PCDH9: variants seen among roughly 807,000 people sequenced by gnomAD.
PCDH9 encodes the protein protocadherin-9.
A neutral mutation model predicts 70.6 loss-of-function variants in PCDH9; 24 were observed. That is an observed-to-expected ratio of 0.34 (90% CI 0.25 to 0.48). The LOEUF (loss-of-function observed/expected upper bound fraction) is 0.48, where lower values mean the gene tolerates loss of function less well. Among genes scored for constraint, PCDH9 ranks in the 20% least tolerant of loss-of-function variants. The pLI, the probability that PCDH9 is intolerant of heterozygous loss-of-function variation, is 0.99. For synonymous variants in PCDH9, 562 were observed against 558.5 expected (o/e 1.01, Z -0.09); for missense variants, 1,281 against 1,503.6 (o/e 0.85, Z 2.45).
intron 4 of PCDH9, among the ~76,000 whole-genome samples, chr13:66,487,013 G>A (rs775771424): frequency 6.6e-6 from 1 of 152,098 alleles, no homozygotes; most frequent in Non-Finnish European, 1.5e-5. Flanking sequence ...CACATGACTA[G>A]TGAGTTTAAC....
chr13:66,735,858 G>A (rs180927957), intron 3 of PCDH9, among the ~76,000 whole-genome samples: 1 of 152,136 alleles, frequency 6.6e-6, no homozygotes, highest in Non-Finnish European at 1.5e-5. Flanking sequence ...CATCTACTCA[G>A]GAGGCTGAGG....
At chr13:66,706,628 A>G (rs1486228527) in intron 3 of PCDH9, among the ~76,000 whole-genome samples, 1 of 152,216 alleles carries the variant, frequency 6.6e-6, no homozygotes. Context: ...CCAAGTGACA[A>G]ATGATGTTTT....
intron 3 of PCDH9, among the ~76,000 whole-genome samples, chr13:66,778,133 G>A (rs561216193): frequency 1.0e-4 from 14 of 133,658 alleles, no homozygotes; most frequent in Non-Finnish European, 2.0e-4. Flanking sequence ...GGACTGTTGT[G>A]GGGTGGGGGG....
intron 2 of PCDH9, among the ~76,000 whole-genome samples, chr13:67,138,501 G>C (rs1411253232): frequency 2.0e-5 from 3 of 152,198 alleles, no homozygotes; most frequent in Non-Finnish European, 4.4e-5. Flanking sequence ...CTTCAGCTAT[G>C]ACAGGAAATA....
At chr13:66,325,145 G>A (rs550442175) in intron 4 of PCDH9, among the ~76,000 whole-genome samples, 1 of 151,990 alleles carries the variant, frequency 6.6e-6, no homozygotes, top group African/African-American at 2.4e-5. Context: ...AAACAGGTGG[G>A]GTCCCTGTAA....
intron 2 of PCDH9, among the ~76,000 whole-genome samples, chr13:67,070,443 G>T (rs1218999122): frequency 6.6e-6 from 1 of 152,170 alleles, no homozygotes; most frequent in Non-Finnish European, 1.5e-5. Flanking sequence ...TGTTAAGTGT[G>T]AGAGGTATTA....
rs1455353119 is a variant in PCDH9 at position 67,225,701 on chromosome 13, T to C, written c.2740A>G (p.Ser914Gly). The C allele has an allele frequency of 1.9e-6, 3 of 1,614,060 alleles. No homozygotes were observed. The highest frequency in any genetic ancestry group is 2.5e-6 in the Non-Finnish European group (3 of 1,180,022). ...GGGCCCCAGTCAAATCTTCCTATAC[T>C]TTGCTCCTCCAGTTCAGCCGGCAGG... ...ISLPAELEEQ[S>G]IGRFDWGPAP... Residue 914 changes from serine to glycine, a missense_variant, in exon 2 of 5, where the codon AGT (serine) becomes GGT (glycine). Ser to Gly is a moderately conservative substitution (Grantham distance 56). Coordinates refer to ENST00000377865, the MANE Select transcript of PCDH9 (RefSeq NM_203487.3).
intron 2 of PCDH9, among the ~76,000 whole-genome samples, chr13:67,012,712 G>T (rs747533493): frequency 5.9e-5 from 9 of 151,948 alleles, no homozygotes; most frequent in Non-Finnish European, 8.8e-5. Flanking sequence ...GATGGTTCCT[G>T]CCCTCCTCTC....
At chr13:66,945,161 T>C (rs919547284) in intron 2 of PCDH9, among the ~76,000 whole-genome samples, 14 of 152,020 alleles carry the variant, frequency 9.2e-5, no homozygotes, top group Non-Finnish European at 1.9e-4. Flanking sequence ...AGGAAGAGTG[T>C]TGCTCTGAGC....
chr13:67,061,369 TTCTGTC>T (rs907554268), intron 2 of PCDH9, among the ~76,000 whole-genome samples: 3 of 128,398 alleles, frequency 2.3e-5, no homozygotes, highest in African/African-American at 8.3e-5. Flanking sequence ...AACCATATCT[TTCTGTC>T]TGTCTGTTTG....
At chr13:67,195,952 A>C (rs2089053181) in intron 2 of PCDH9, among the ~76,000 whole-genome samples, 1 of 152,176 alleles carries the variant, frequency 6.6e-6, no homozygotes, top group Admixed American at 6.5e-5. Context: ...GGAATTTTAA[A>C]CTTTAAATGA....
At chr13:66,676,938 A>T (rs1232267104) in intron 3 of PCDH9, among the ~76,000 whole-genome samples, 2 of 152,120 alleles carry the variant, frequency 1.3e-5, no homozygotes, top group African/African-American at 4.8e-5. Context: ...ATAAAATTTT[A>T]AATATCCATT....
At chr13:66,471,631 T>C (rs1405167017) in intron 4 of PCDH9, among the ~76,000 whole-genome samples, 1 of 152,154 alleles carries the variant, frequency 6.6e-6, no homozygotes, top group African/African-American at 2.4e-5. Flanking sequence ...TCATTAATAA[T>C]GGGACTTTAA....
At chr13:66,343,944 A>T (rs1037898426) in intron 4 of PCDH9, among the ~76,000 whole-genome samples, 8 of 152,118 alleles carry the variant, frequency 5.3e-5, no homozygotes, top group African/African-American at 1.9e-4. Context: ...TTCAGCTCTC[A>T]CTCATAATCT....
intron 3 of PCDH9, among the ~76,000 whole-genome samples, chr13:66,674,397 T>A (rs2078215888): frequency 1.3e-5 from 2 of 150,938 alleles, no homozygotes; most frequent in South Asian, 4.3e-4. Flanking sequence ...CACATAGAAA[T>A]AACTTCCACT....
chr13:67,138,202 C>T (rs2087282695), intron 2 of PCDH9, among the ~76,000 whole-genome samples: 1 of 152,016 alleles, frequency 6.6e-6, no homozygotes, highest in Non-Finnish European at 1.5e-5. Flanking sequence ...CAATGTCCTC[C>T]TATACAAAAT....
intron 2 of PCDH9, among the ~76,000 whole-genome samples, chr13:67,187,820 T>C (rs1954468980): frequency 6.6e-6 from 1 of 152,148 alleles, no homozygotes; most frequent in Non-Finnish European, 1.5e-5. Context: ...GTACATGTGA[T>C]ATTTTGATAC....
At chr13:66,321,721 C>T (rs1955758781) in intron 4 of PCDH9, among the ~76,000 whole-genome samples, 1 of 151,978 alleles carries the variant, frequency 6.6e-6, no homozygotes, top group African/African-American at 2.4e-5. Context: ...ATTCTAATTG[C>T]TCATGCCAAA....
chr13:66,567,163 A>G (rs1406072954), intron 4 of PCDH9, among the ~76,000 whole-genome samples: 1 of 152,168 alleles, frequency 6.6e-6, no homozygotes, highest in East Asian at 1.9e-4. Flanking sequence ...ATATCATTCA[A>G]GATGCATTAA....
Sources: allele counts gnomAD v4.1 joint callset (sites outside exome capture counted in the v4.1 genomes callset), GRCh38; gene constraint gnomAD v4.1.1; transcripts MANE v1.5; gene names NCBI Gene and HGNC (gene_info 2026-07-23, HGNC 2026-07-21).